The following GAS7 variants were observed in gnomAD, a reference collection of about 807,000 sequenced individuals.
GAS7 encodes growth arrest specific 7.
A neutral mutation model predicts 71.1 loss-of-function variants in GAS7; 28 were observed. That is an observed-to-expected ratio of 0.39 (90% confidence interval 0.29 to 0.54). GAS7 has a LOEUF of 0.54. Among genes scored for constraint, GAS7 ranks in the 20% least tolerant of loss-of-function variants. The pLI is 0.62. For missense variants in GAS7, 436 were observed against 627.8 expected (o/e 0.69, Z 3.27); for synonymous variants, 258 against 245.8 (o/e 1.05, Z -0.46).
rs371461588 is a variant in GAS7 at position 9,977,104 on chromosome 17, A to G, written c.385+4700T>C. Among the ~76,000 whole-genome samples, 7 of 152,366 alleles carry G rather than the reference A, an allele frequency of 4.6e-5. No homozygotes were observed. The South Asian group carries it at 1.5e-3, about 32-fold the overall frequency. On this transcript the variant is annotated intron_variant, in intron 3 of 13. Coordinates refer to ENST00000432992, the MANE Select transcript of GAS7 (RefSeq NM_201433.2). ...TTGACAAATGTACCGTGGTTATGTA[A>G]GATGTCAACCGGGAGAACTGAGTAC... is the stretch of plus-strand genomic sequence containing the variant.
intron 5 of GAS7, among the ~76,000 whole-genome samples, chr17:9,947,640 A>C (rs2068839703): frequency 6.6e-6 from 1 of 151,998 alleles, no homozygotes; most frequent in Non-Finnish European, 1.5e-5. Context: ...GCTAGTCGGG[A>C]GGCTGAGGGA....
intron 1 of GAS7, among the ~76,000 whole-genome samples, chr17:10,162,872 G>A (rs979047708): frequency 2.0e-5 from 3 of 152,092 alleles, no homozygotes; most frequent in African/African-American, 7.2e-5. Flanking sequence ...CTGTTTACTG[G>A]GTTCAGAGTT....
chr17:10,196,111 C>T (rs2142159711), intron 1 of GAS7, among the ~76,000 whole-genome samples: 1 of 152,290 alleles, frequency 6.6e-6, no homozygotes, highest in Non-Finnish European at 1.5e-5. Context: ...ACATGCTGAC[C>T]TCAGGGGCTG....
At chr17:10,038,837 C>T (rs2072809056) in intron 1 of GAS7, among the ~76,000 whole-genome samples, 1 of 151,846 alleles carries the variant, frequency 6.6e-6, no homozygotes, top group South Asian at 2.1e-4. Context: ...GTAGCTGGGA[C>T]TACAGGTGCG....
In GAS7 at chr17:9,912,061, G is replaced by A. The variant is rs1305958077; in HGVS notation, c.*5167C>T. ...TCTTCACGCCTGTCCTGGCTCCTGGGGAGTAGACTCCAGAACATACTATCA... is the reference window on the plus strand; with the variant it reads ...TCTTCACGCCTGTCCTGGCTCCTGGAGAGTAGACTCCAGAACATACTATCA... On this transcript the variant is annotated 3_prime_UTR_variant, in exon 14 of 14. Transcript: ENST00000432992. 4.3e-6 allele frequency: 1 copy of A among 231,886 alleles called. No individual in the cohort carries two copies. The highest frequency in any genetic ancestry group is 8.5e-6 in the Non-Finnish European group (1 of 117,338). 14.4% of individuals were successfully genotyped at this position (231,886 alleles called of 1,614,324 possible). A position where few individuals can be genotyped will look rare whatever the true frequency, so the allele number is the denominator to read the frequency against.
At chr17:9,942,350 TG>T (rs1567801930) in intron 7 of GAS7, among the ~76,000 whole-genome samples, 1 of 151,346 alleles carries the variant, frequency 6.6e-6, no homozygotes, top group Non-Finnish European at 1.5e-5. Flanking sequence ...TGTGTGCACA[TG>T]GGTGATAGGT....
intron 6 of GAS7, among the ~76,000 whole-genome samples, chr17:9,943,920 G>A (rs975782920): frequency 2.0e-5 from 3 of 152,122 alleles, no homozygotes; most frequent in African/African-American, 7.2e-5. Flanking sequence ...TCATTTCAGG[G>A]TAAATGACCT....
At chr17:10,058,789 T>C (rs944697996) in intron 1 of GAS7, among the ~76,000 whole-genome samples, 2 of 152,202 alleles carry the variant, frequency 1.3e-5, no homozygotes, top group Non-Finnish European at 2.9e-5. Context: ...GGGGAAGATA[T>C]TTAGCACATC....
intron 1 of GAS7, among the ~76,000 whole-genome samples, chr17:10,110,015 T>C (rs1210897339): frequency 2.0e-5 from 3 of 148,820 alleles, no homozygotes; most frequent in Non-Finnish European, 4.4e-5. Context: ...GATTGTGCCA[T>C]TGCACTTCAG....
At chr17:10,191,488 C>G (rs1414433522) in intron 1 of GAS7, among the ~76,000 whole-genome samples, 1 of 137,904 alleles carries the variant, frequency 7.3e-6, no homozygotes, top group African/African-American at 2.7e-5. Flanking sequence ...CCCAGGAGGT[C>G]AAGGCAGCAG....
chr17:9,927,433 T>C (rs149750127), intron 9 of GAS7, among the ~76,000 whole-genome samples: 3 of 151,816 alleles, frequency 2.0e-5, no homozygotes, highest in Non-Finnish European at 2.9e-5. Flanking sequence ...TGAGCCGAGA[T>C]TGTGCCACTG....
At chr17:10,118,210 C>A (rs1396824243) in intron 1 of GAS7, among the ~76,000 whole-genome samples, 2 of 152,140 alleles carry the variant, frequency 1.3e-5, no homozygotes, top group African/African-American at 2.4e-5. Flanking sequence ...ACAGGGATAT[C>A]GCCTGAGCCC....
At chr17:10,136,512 C>T (rs2074039800) in intron 1 of GAS7, among the ~76,000 whole-genome samples, 1 of 152,114 alleles carries the variant, frequency 6.6e-6, no homozygotes, top group South Asian at 2.1e-4. Flanking sequence ...ACTAGCTGTC[C>T]CAAAGATGAG....
intron 5 of GAS7, among the ~76,000 whole-genome samples, chr17:9,955,387 C>A (rs2069189894): frequency 1.3e-5 from 2 of 152,248 alleles, no homozygotes; most frequent in Non-Finnish European, 2.9e-5. Flanking sequence ...TCCTAAAGAT[C>A]CACTTTCTGT....
rs748469317 is a variant in GAS7 at position 10,034,589 on chromosome 17, G to A, written c.184-14692C>T. 2.6e-5 allele frequency among the ~76,000 whole-genome samples: 4 copies of A among 152,198 alleles called. No homozygotes were observed. The highest frequency in any genetic ancestry group is 1.9e-4 in the East Asian group (1 of 5,194). On this transcript the variant is annotated intron_variant, in intron 1 of 13. Transcript: ENST00000432992. The surrounding 1 kb of genome is among the most constrained non-coding windows in gnomAD (Gnocchi z 4.4). ...CTCCCAAAGTGCTGGGATTACAGGC[G>A]TGAGCCACTGCGCCCGGCCCAATAA...
chr17:10,142,100 T>C (rs552062754), intron 1 of GAS7, among the ~76,000 whole-genome samples: 1 of 151,474 alleles, frequency 6.6e-6, no homozygotes, highest in East Asian at 2.0e-4. Context: ...TGGTGGCAGG[T>C]GCCTGTAGTC....
At position 9,959,128 on chromosome 17, in the gene GAS7, T is replaced by A; in HGVS notation, c.525+74A>T. ...CATCACTTCTGCTTGGCGGTCCACATCGCCATGGCAACAGCCCAGCCAAAT... is the reference window on the plus strand; with the variant it reads ...CATCACTTCTGCTTGGCGGTCCACAACGCCATGGCAACAGCCCAGCCAAAT... On this transcript the variant is annotated intron_variant, in intron 5 of 13. Coordinates refer to ENST00000432992, the MANE Select transcript of GAS7 (RefSeq NM_201433.2). The surrounding 1 kb of genome is among the most constrained non-coding windows in gnomAD (Gnocchi z 5.0). 2 of 1,522,822 alleles carry A rather than the reference T, an allele frequency of 1.3e-6. No homozygotes were observed. Among genetic ancestry groups the A allele is most frequent in the African/African-American group, 1.4e-5 (1 of 73,108 alleles). 94.3% of individuals were successfully genotyped at this position (1,522,822 alleles called of 1,614,324 possible). A position where few individuals can be genotyped will look rare whatever the true frequency, so the allele number is the denominator to read the frequency against.
chr17:10,009,202 T>C (rs987123148), intron 2 of GAS7, among the ~76,000 whole-genome samples: 1 of 149,490 alleles, frequency 6.7e-6, no homozygotes, highest in Non-Finnish European at 1.5e-5. Flanking sequence ...GCGCCTGTAG[T>C]CCCAGCTACT....
intron 4 of GAS7, among the ~76,000 whole-genome samples, chr17:9,965,994 A>AT (rs869076990): frequency 7.3e-6 from 1 of 136,856 alleles, no homozygotes; most frequent in Non-Finnish European, 1.6e-5. Context: ...ACCCCCCAAA[A>AT]TTCTTTTTTT....
Sources: gnomAD v4.1 joint callset for allele counts (sites outside exome capture counted in the v4.1 genomes callset) on GRCh38, gnomAD v4.1.1 for gene constraint, Gnocchi (gnomAD v3.1) non-coding constraint, MANE v1.5 for transcripts, NCBI Gene and HGNC (gene_info 2026-07-23, HGNC 2026-07-21) for gene names.